SPAG6: variants seen among roughly 807,000 people sequenced by gnomAD.
The protein encoded by SPAG6 is sperm associated antigen 6.
SPAG6 carries 49 observed loss-of-function variants against 58.5 expected under a neutral mutation model. That is an observed-to-expected ratio of 0.84 (90% confidence interval 0.67 to 1.06). SPAG6 has a LOEUF of 1.06. Among genes scored for constraint, SPAG6 ranks in the 50% least tolerant of loss-of-function variants. SPAG6 has a pLI of 0.00. For missense variants in SPAG6, 560 were observed against 611.3 expected, an observed-to-expected ratio of 0.92 and a Z score of 0.89; for synonymous variants, 233 against 225.6, an observed-to-expected ratio of 1.03 and a Z score of -0.29.
chr10:22,395,018 G>A (rs2100206964), intron 8 of SPAG6, among the ~76,000 whole-genome samples: 1 of 152,096 alleles, frequency 6.6e-6, no homozygotes. Context: ...CCATGTGCCT[G>A]CCTTCTTTAC....
intron 7 of SPAG6, among the ~76,000 whole-genome samples, chr10:22,389,880 A>T (rs968419385): frequency 2.0e-5 from 3 of 152,182 alleles, no homozygotes; most frequent in Non-Finnish European, 4.4e-5. Flanking sequence ...ACAATTTTGT[A>T]AGAACCCCTC....
At chr10:22,406,294 T>G (rs534734946) in intron 9 of SPAG6, among the ~76,000 whole-genome samples, 41 of 152,258 alleles carry the variant, frequency 2.7e-4, no homozygotes, top group Non-Finnish European at 5.1e-4. Flanking sequence ...AATTTCCCTC[T>G]ACACACTGCT....
intron 2 of SPAG6, among the ~76,000 whole-genome samples, chr10:22,346,307 T>C (rs1836525535): frequency 6.6e-6 from 1 of 151,822 alleles, no homozygotes; most frequent in South Asian, 2.1e-4. Flanking sequence ...CTTTGCGAAA[T>C]CCTTATGGCG....
intron 8 of SPAG6, among the ~76,000 whole-genome samples, chr10:22,396,051 A>G (rs563747251): frequency 4.5e-4 from 69 of 152,290 alleles, no homozygotes; most frequent in Admixed American, 1.5e-3. Flanking sequence ...GAAACTTACA[A>G]TCATGGCAGA....
chr10:22,416,552 A>G (rs1588572213), intron 10 of SPAG6, 67 bp from the exon 11 acceptor site: 2 of 928,700 alleles, frequency 2.2e-6, no homozygotes, highest in East Asian at 4.8e-5. Context: ...AATCCCCTAT[A>G]TTGAATCTTA....
chr10:22,416,052 T>C (rs1201588156), intron 10 of SPAG6, among the ~76,000 whole-genome samples: 1 of 152,178 alleles, frequency 6.6e-6, no homozygotes, highest in African/African-American at 2.4e-5. Context: ...TTCCTAGGTT[T>C]CTATGATACA....
intron 2 of SPAG6, among the ~76,000 whole-genome samples, chr10:22,352,618 A>G (rs1473552183): frequency 6.6e-6 from 1 of 152,216 alleles, no homozygotes; most frequent in Admixed American, 6.5e-5. Flanking sequence ...CCCAGGTTCA[A>G]GTGATTCTCC....
chr10:22,398,205 A>G (rs1318090256), intron 8 of SPAG6, among the ~76,000 whole-genome samples: 1 of 152,244 alleles, frequency 6.6e-6, no homozygotes, highest in African/African-American at 2.4e-5. Flanking sequence ...AAGTAAAAAT[A>G]TCAATTTGGA....
intron 8 of SPAG6, among the ~76,000 whole-genome samples, chr10:22,393,689 T>C (rs1291945956): frequency 6.6e-6 from 1 of 152,182 alleles, no homozygotes; most frequent in Non-Finnish European, 1.5e-5. Flanking sequence ...AACAATCTTT[T>C]AAAGGCTTCG....
intron 2 of SPAG6, among the ~76,000 whole-genome samples, chr10:22,358,300 C>G (rs1361126594): frequency 6.6e-6 from 1 of 152,134 alleles, no homozygotes; most frequent in Admixed American, 6.6e-5. Flanking sequence ...GATGGTATCT[C>G]ATTGTGGTTT....
In SPAG6 at chr10:22,386,739, T is replaced by C; in HGVS notation, c.473-15T>C. The C allele has an allele frequency of 6.2e-7, 1 of 1,610,968 alleles. No homozygotes were observed. Among genetic ancestry groups the C allele is most frequent in the Non-Finnish European group, 8.5e-7 (1 of 1,177,224 alleles). On this transcript the variant is annotated splice_polypyrimidine_tract_variant and intron_variant, in intron 4 of 10. Transcript: ENST00000376624. The stretch of plus-strand genomic sequence containing the variant: ...GTCACCCATACTCACTTAATTACTT[T>C]TCTTGGACCCACAGAACTGTCACAA...
At chr10:22,391,524 AT>A (rs1834183659) in intron 7 of SPAG6, among the ~76,000 whole-genome samples, 1 of 152,152 alleles carries the variant, frequency 6.6e-6, no homozygotes, top group Non-Finnish European at 1.5e-5. Flanking sequence ...GTTTAGTTGA[AT>A]CGTTACCGAT....
Position 22,391,739 on chromosome 10 carries a change from A to T in SPAG6, c.1016A>T (p.Gln339Leu). 2 of 1,613,392 alleles carry T rather than the reference A, an allele frequency of 1.2e-6. No individual in the cohort carries two copies. The highest frequency in any genetic ancestry group is 1.7e-6 in the Non-Finnish European group (2 of 1,179,628). Residue 339 changes from glutamine (Q) to leucine (L), a missense_variant, in exon 8 of 11, where the codon CAG becomes CTG. By Grantham distance (113) the Gln-to-Leu change is moderately radical (BLOSUM62 -2). Transcript: ENST00000376624. The part of the protein sequence containing the change: ...MAVIISKGVP[Q>L]LSVCLSEEPE... ...TGATCCACGCTGCAGGGTGTACCCC[A>T]GTTGTCAGTCTGCTTGTCAGAAGAA...
At chr10:22,415,365 C>T (rs111799133) in intron 10 of SPAG6, among the ~76,000 whole-genome samples, 19 of 151,464 alleles carry the variant, frequency 1.3e-4, no homozygotes, top group East Asian at 5.8e-4. Context: ...ATCTGGTGTC[C>T]GATACATTTG....
intron 2 of SPAG6, among the ~76,000 whole-genome samples, chr10:22,364,539 C>T (rs140787947): frequency 6.6e-6 from 1 of 152,318 alleles, no homozygotes; most frequent in South Asian, 2.1e-4. Context: ...ATAGCATACT[C>T]TACAACCTTT....
chr10:22,362,037 T>G (rs1588640207), intron 2 of SPAG6, among the ~76,000 whole-genome samples: 1 of 146,364 alleles, frequency 6.8e-6, no homozygotes, highest in East Asian at 1.9e-4. Flanking sequence ...AATATATAGA[T>G]ATATTATTTT....
Position 22,417,279 on chromosome 10 carries a change from T to A in SPAG6, c.*591T>A, listed in dbSNP as rs532472214. The A allele has an allele frequency of 6.6e-5, 10 of 152,422 alleles. No homozygotes were observed. The highest frequency in any genetic ancestry group is 2.4e-4 in the African/African-American group (10 of 41,558). The allele number at this position is 152,422 out of a possible 1,614,324, so 9.4% of individuals were successfully genotyped here. On this transcript the variant is annotated 3_prime_UTR_variant, in exon 11 of 11. Coordinates refer to ENST00000376624, the MANE Select transcript of SPAG6 (RefSeq NM_012443.4). ...CTCTTTATCACAAGTTTTCCAAACC[T>A]CCTTCCCCACCCTATCTAAAGTGTT...
intron 2 of SPAG6, 191 bp downstream of exon 2, chr10:22,346,009 G>A (rs1240340214): frequency 6.5e-7 from 1 of 1,546,904 alleles, no homozygotes; most frequent in African/African-American, 1.4e-5. Flanking sequence ...GTTGTGGGAG[G>A]TGCGCGTTGT....
At chr10:22,407,473 T>C (rs1246330543) in intron 9 of SPAG6, among the ~76,000 whole-genome samples, 1 of 152,194 alleles carries the variant, frequency 6.6e-6, no homozygotes, top group African/African-American at 2.4e-5. Flanking sequence ...GCCCCCACTC[T>C]CTTCTGGCTT....
Sources: allele counts gnomAD v4.1 joint callset (sites outside exome capture counted in the v4.1 genomes callset), GRCh38; gene constraint gnomAD v4.1.1; transcripts MANE v1.5; gene names NCBI Gene and HGNC (gene_info 2026-07-23, HGNC 2026-07-21).